The following SLC7A1 variants were observed in gnomAD, a reference collection of about 807,000 sequenced individuals.
SLC7A1 encodes the protein high affinity cationic amino acid transporter 1.
In SLC7A1, 10 loss-of-function variants were observed where a neutral mutation model predicts 53.9. The observed-to-expected ratio is 0.19, with a 90% CI of 0.11 to 0.31. The LOEUF (loss-of-function observed/expected upper bound fraction) is 0.31, where lower values mean the gene tolerates loss of function less well. Ranked by LOEUF, SLC7A1 falls within the 10% of genes least tolerant of loss-of-function variation. The pLI is 1.00. For missense variants in SLC7A1, 525 were observed against 827.2 expected (o/e 0.63, Z 4.48); for synonymous variants, 342 against 338.7 (o/e 1.01, Z -0.11).
At chr13:29,527,876 C>T (rs2139088728) in intron 5 of SLC7A1, among the ~76,000 whole-genome samples, 1 of 152,370 alleles carries the variant, frequency 6.6e-6, no homozygotes, top group East Asian at 1.9e-4. Context: ...GTAATGGAAA[C>T]TTTAATTATT....
chr13:29,572,733 T>C (rs1871252648), intron 1 of SLC7A1, among the ~76,000 whole-genome samples: 3 of 152,126 alleles, frequency 2.0e-5, no homozygotes, highest in East Asian at 3.9e-4. Context: ...CAGAAGCTCA[T>C]AAAACATGGG....
At chr13:29,564,431 C>T (rs147740539) in intron 1 of SLC7A1, among the ~76,000 whole-genome samples, 2 of 152,284 alleles carry the variant, frequency 1.3e-5, no homozygotes, top group African/African-American at 2.4e-5. Flanking sequence ...GTGAAAAAAC[C>T]AGCTGCATAA....
intron 1 of SLC7A1, among the ~76,000 whole-genome samples, chr13:29,554,693 GATT>G (rs1263083379): frequency 1.3e-5 from 2 of 152,172 alleles, no homozygotes; most frequent in Non-Finnish European, 2.9e-5. Flanking sequence ...ACCCAGACAA[GATT>G]ATCATTACAC....
intron 11 of SLC7A1, 135 bp from the exon 12 acceptor site, chr13:29,516,381 G>A (rs1341276579): frequency 3.2e-6 from 2 of 621,582 alleles, no homozygotes; most frequent in Non-Finnish European, 5.8e-6. Flanking sequence ...GAGAGGGAGT[G>A]CCCACCCCCA....
intron 11 of SLC7A1, among the ~76,000 whole-genome samples, chr13:29,516,664 G>A (rs1251723277): frequency 6.6e-6 from 1 of 152,144 alleles, no homozygotes; most frequent in African/African-American, 2.4e-5. Context: ...GCATCAACTT[G>A]AGCAGACATT....
chr13:29,588,097 G>A (rs1871962308), intron 1 of SLC7A1, among the ~76,000 whole-genome samples: 1 of 152,138 alleles, frequency 6.6e-6, no homozygotes, highest in African/African-American at 2.4e-5. Context: ...TTATGAGGTA[G>A]AAAATCACAC....
intron 1 of SLC7A1, among the ~76,000 whole-genome samples, chr13:29,584,284 A>G (rs1411569593): frequency 6.6e-6 from 1 of 151,996 alleles, no homozygotes; most frequent in Non-Finnish European, 1.5e-5. Context: ...GCTACTCGGG[A>G]GCTGTACTGC....
At chr13:29,585,614 T>TA in intron 1 of SLC7A1, among the ~76,000 whole-genome samples, 1 of 152,198 alleles carries the variant, frequency 6.6e-6, no homozygotes, top group East Asian at 1.9e-4. Context: ...TGTGTGCGGG[T>TA]AACCAGTAGT....
chr13:29,587,196 G>T (rs1871918008), intron 1 of SLC7A1, among the ~76,000 whole-genome samples: 1 of 152,196 alleles, frequency 6.6e-6, no homozygotes, highest in Non-Finnish European at 1.5e-5. Flanking sequence ...GGGAGCTGAG[G>T]ACAATGACGT....
intron 1 of SLC7A1, among the ~76,000 whole-genome samples, chr13:29,570,018 C>A (rs1871130028): frequency 6.6e-6 from 1 of 152,168 alleles, no homozygotes; most frequent in African/African-American, 2.4e-5. Flanking sequence ...CAAAAGTTTT[C>A]TAACATCATA....
rs763938253 is a variant in SLC7A1, at chr13:29,510,102, T to C, written c.*4378A>G. On this transcript the variant is annotated 3_prime_UTR_variant, in exon 13 of 13. Coordinates refer to ENST00000380752, the MANE Select transcript of SLC7A1 (RefSeq NM_003045.5). ...TAATAAATACCCTGAGAAAATCTTC[T>C]CTTTAAGCTTGGCCAAGGTACTCCA... 1 of 152,604 alleles carries C rather than the reference T, an allele frequency of 6.6e-6. No individual in the cohort carries two copies. The highest frequency in any genetic ancestry group is 1.5e-5 in the Non-Finnish European group (1 of 68,042). The allele number at this position is 152,604 out of a possible 1,614,324, so 9.5% of individuals were successfully genotyped here.
chr13:29,580,310 G>A (rs1871586805), intron 1 of SLC7A1, among the ~76,000 whole-genome samples: 1 of 152,206 alleles, frequency 6.6e-6, no homozygotes, highest in South Asian at 2.1e-4. Flanking sequence ...GAGGGGACAT[G>A]TCTGGGTTCT....
chr13:29,543,554 A>G (rs1304710905), intron 2 of SLC7A1, among the ~76,000 whole-genome samples: 1 of 152,180 alleles, frequency 6.6e-6, no homozygotes, highest in Admixed American at 6.5e-5. Context: ...TCCCATAGAC[A>G]AAGTTTACAG....
intron 1 of SLC7A1, among the ~76,000 whole-genome samples, chr13:29,563,362 A>T (rs1207737748): frequency 6.6e-6 from 1 of 152,246 alleles, no homozygotes; most frequent in African/African-American, 2.4e-5. Flanking sequence ...AAATTTACTT[A>T]AGTGGGTTTT....
At chr13:29,523,077 G>T (rs539151657) in intron 7 of SLC7A1, among the ~76,000 whole-genome samples, 189 bp downstream of exon 7, 170 of 152,228 alleles carry the variant, frequency 1.1e-3, no homozygotes, top group African/African-American at 3.5e-3. Context: ...ACAACTCTTG[G>T]GATGATGAAT....
intron 1 of SLC7A1, among the ~76,000 whole-genome samples, chr13:29,572,389 A>G (rs2139169404): frequency 6.6e-6 from 1 of 152,306 alleles, no homozygotes; most frequent in South Asian, 2.1e-4. Flanking sequence ...AGTGTAATTT[A>G]ACAGGGGAGA....
chr13:29,533,648 A>G (rs558441037), intron 3 of SLC7A1, among the ~76,000 whole-genome samples: 2 of 152,170 alleles, frequency 1.3e-5, no homozygotes, highest in African/African-American at 2.4e-5. Context: ...AGGACAGCAG[A>G]CAGACCCCAG....
intron 1 of SLC7A1, among the ~76,000 whole-genome samples, chr13:29,579,520 C>T (rs1871554698): frequency 6.6e-6 from 1 of 152,100 alleles, no homozygotes; most frequent in East Asian, 1.9e-4. Context: ...ACCACCATGC[C>T]TGGCTAATTT....
chr13:29,526,496 A>G (rs1868899417), intron 5 of SLC7A1, among the ~76,000 whole-genome samples: 1 of 152,192 alleles, frequency 6.6e-6, no homozygotes, highest in African/African-American at 2.4e-5. Flanking sequence ...TGTCTCTAAA[A>G]TAATTTTTAA....
Sources: gnomAD v4.1 joint callset for allele counts (sites outside exome capture counted in the v4.1 genomes callset) on GRCh38, gnomAD v4.1.1 for gene constraint, MANE v1.5 for transcripts, NCBI Gene and HGNC (gene_info 2026-07-23, HGNC 2026-07-21) for gene names.